NAALADL2: variants seen among roughly 807,000 people sequenced by gnomAD.
The protein encoded by NAALADL2 is N-acetylated alpha-linked acidic dipeptidase like 2.
In NAALADL2, 76 loss-of-function variants were observed where a neutral mutation model predicts 87.2. The ratio of observed to expected loss-of-function variants is 0.87; its 90% CI spans 0.72 to 1.05. The LOEUF (loss-of-function observed/expected upper bound fraction) is 1.05. Among genes scored for constraint, NAALADL2 ranks in the 50% least tolerant of loss-of-function variants. NAALADL2 has a pLI of 0.00. For missense variants in NAALADL2, 1,089 were observed against 945.8 expected, an observed-to-expected ratio of 1.15 and a Z score of -1.99; for synonymous variants, 354 against 331.0, an observed-to-expected ratio of 1.07 and a Z score of -0.75.
chr3:174,741,197 C>T (rs915564100), intron 3 of NAALADL2, among the ~76,000 whole-genome samples: 1 of 151,622 alleles, frequency 6.6e-6, no homozygotes, highest in Non-Finnish European at 1.5e-5. Flanking sequence ...AGAAAACTGA[C>T]GGCAAATGTC....
intron 2 of NAALADL2, among the ~76,000 whole-genome samples, chr3:174,562,868 A>T (rs77417097): frequency 0.031 from 4,756 of 152,214 alleles, 340 homozygotes; most frequent in East Asian, 0.23. Flanking sequence ...ATAAAGATTC[A>T]CCATTTGACC....
intron 1 of NAALADL2, among the ~76,000 whole-genome samples, chr3:174,529,955 A>T (rs964898209): frequency 1.3e-4 from 20 of 152,018 alleles, no homozygotes; most frequent in African/African-American, 4.8e-5. Flanking sequence ...CATTTTCCCC[A>T]TTGTCTTGGT....
chr3:175,314,783 G>T (rs1319742536), intron 4 of NAALADL2, among the ~76,000 whole-genome samples: 1 of 141,056 alleles, frequency 7.1e-6, no homozygotes, highest in Admixed American at 7.4e-5. Context: ...AGGTGTTAAT[G>T]GTCAAGCAAA....
intron 11 of NAALADL2, among the ~76,000 whole-genome samples, chr3:175,639,136 G>A (rs539475068): frequency 7.2e-5 from 11 of 152,126 alleles, no homozygotes; most frequent in East Asian, 5.8e-4. Context: ...ACGCCATAAA[G>A]CATCATGTTT....
chr3:175,160,374 T>C (rs1447407169), intron 2 of NAALADL2, among the ~76,000 whole-genome samples: 1 of 134,084 alleles, frequency 7.5e-6, no homozygotes, highest in Non-Finnish European at 1.6e-5. Context: ...TTTTTTTTTT[T>C]TTTTTTTTTT....
chr3:175,670,607 T>C (rs1163987115), intron 11 of NAALADL2, among the ~76,000 whole-genome samples: 1 of 147,174 alleles, frequency 6.8e-6, no homozygotes, highest in Admixed American at 6.8e-5. Context: ...ATTAAATATA[T>C]ATTAAATGTA....
At chr3:174,665,506 A>G (rs527423279) in intron 2 of NAALADL2, among the ~76,000 whole-genome samples, 1 of 152,262 alleles carries the variant, frequency 6.6e-6, no homozygotes, top group East Asian at 1.9e-4. Flanking sequence ...ATTCTTCATA[A>G]TGCAATTACT....
intron 2 of NAALADL2, among the ~76,000 whole-genome samples, chr3:174,569,759 C>T (rs1578194408): frequency 1.3e-5 from 2 of 152,112 alleles, no homozygotes; most frequent in Non-Finnish European, 1.5e-5. Context: ...TGGGTTAACA[C>T]GCAAATGCTT....
At chr3:174,788,173 G>T (rs1442795879) in intron 3 of NAALADL2, among the ~76,000 whole-genome samples, 1 of 152,126 alleles carries the variant, frequency 6.6e-6, no homozygotes, top group East Asian at 1.9e-4. Flanking sequence ...TTAACATCCT[G>T]TTGGGGGACA....
intron 5 of NAALADL2, among the ~76,000 whole-genome samples, chr3:175,393,251 G>T (rs1010355004): frequency 1.7e-5 from 2 of 116,672 alleles, no homozygotes; most frequent in African/African-American, 3.4e-5. Flanking sequence ...TCCGCAGTCC[G>T]GCCTGGGCGA....
At chr3:175,489,868 A>G (rs914735712) in intron 9 of NAALADL2, among the ~76,000 whole-genome samples, 2 of 152,210 alleles carry the variant, frequency 1.3e-5, no homozygotes, top group Non-Finnish European at 2.9e-5. Flanking sequence ...AGTAGAAGTA[A>G]TAGTCTCTAC....
chr3:175,423,051 A>ATATATATATATTT (rs1458599872), intron 5 of NAALADL2, among the ~76,000 whole-genome samples: 6 of 91,510 alleles, frequency 6.6e-5, no homozygotes, highest in African/African-American at 8.4e-5. Flanking sequence ...ATATATATAT[A>ATATATATATATTT]TTTTTTTTTT....
chr3:175,383,015 G>A (rs917749332), intron 5 of NAALADL2, among the ~76,000 whole-genome samples: 6 of 151,690 alleles, frequency 4.0e-5, no homozygotes, highest in East Asian at 1.9e-4. Flanking sequence ...TATTTCATAC[G>A]TTTTGGATCA....
At chr3:175,652,795 A>G (rs1445189469) in intron 11 of NAALADL2, among the ~76,000 whole-genome samples, 1 of 151,984 alleles carries the variant, frequency 6.6e-6, no homozygotes, top group East Asian at 1.9e-4. Flanking sequence ...GTAAACTATG[A>G]CTTTATATTT....
At chr3:175,434,447 T>C (rs534448809) in intron 5 of NAALADL2, among the ~76,000 whole-genome samples, 3 of 152,122 alleles carry the variant, frequency 2.0e-5, no homozygotes, top group East Asian at 1.9e-4. Flanking sequence ...ACTTCATATA[T>C]GCTAGCTCAT....
At chr3:175,619,450 T>C (rs1725890170) in intron 10 of NAALADL2, among the ~76,000 whole-genome samples, 1 of 143,062 alleles carries the variant, frequency 7.0e-6, no homozygotes, top group South Asian at 2.3e-4. Flanking sequence ...TGCAGGACTA[T>C]GTTGATTCCT....
intron 1 of NAALADL2, among the ~76,000 whole-genome samples, chr3:174,458,248 TTGAG>T (rs1715982998): frequency 6.6e-6 from 1 of 152,204 alleles, no homozygotes; most frequent in Middle Eastern, 3.2e-3. Flanking sequence ...CTACATTACA[TTGAG>T]TGTCTCTGGA....
chr3:175,381,875 G>A (rs764826035), intron 5 of NAALADL2, among the ~76,000 whole-genome samples: 9 of 152,156 alleles, frequency 5.9e-5, no homozygotes, highest in Non-Finnish European at 1.2e-4. Context: ...CAGCGGGCCT[G>A]CATGCTGGGA....
chr3:175,318,274 T>G (rs1759403256), intron 4 of NAALADL2, among the ~76,000 whole-genome samples: 1 of 152,092 alleles, frequency 6.6e-6, no homozygotes, highest in African/African-American at 2.4e-5. Context: ...TTTACTTTGT[T>G]TTAGTGTACG....
Sources: gnomAD v4.1 joint callset for allele counts (sites outside exome capture counted in the v4.1 genomes callset) on GRCh38, gnomAD v4.1.1 for gene constraint, MANE v1.5 for transcripts, NCBI Gene and HGNC (gene_info 2026-07-23, HGNC 2026-07-21) for gene names.